JMY: variants seen among roughly 807,000 people sequenced by gnomAD.
JMY encodes the protein junction mediating and regulatory protein, p53 cofactor.
A neutral mutation model predicts 103.3 loss-of-function variants in JMY; 46 were observed. The observed-to-expected ratio is 0.45, with a 90% CI of 0.35 to 0.57. JMY has a LOEUF of 0.57. Ranked by LOEUF, JMY falls within the 20% of genes least tolerant of loss-of-function variation. The pLI is 0.00. For missense variants in JMY, 1,238 were observed against 1,255.2 expected, an observed-to-expected ratio of 0.99 and a Z score of 0.21; for synonymous variants, 526 against 489.3, an observed-to-expected ratio of 1.07 and a Z score of -0.99.
At chr5:79,266,970 A>G (rs1306975403) in intron 1 of JMY, among the ~76,000 whole-genome samples, 2 of 152,154 alleles carry the variant, frequency 1.3e-5, no homozygotes, top group Admixed American at 1.3e-4. Context: ...GAAATATAAC[A>G]TGTCTTTAGG....
Position 79,237,411 on chromosome 5 carries a change from C to T in JMY, c.761C>T (p.Pro254Leu). 3 of 1,613,594 alleles carry T rather than the reference C, an allele frequency of 1.9e-6. No homozygotes were observed. Among genetic ancestry groups the T allele is most frequent in the Non-Finnish European group, 2.5e-6 (3 of 1,180,008 alleles). The change falls in exon 1 of 11, where the codon CCG becomes CTG. Residue 254 changes from proline (P) to leucine (L), a missense_variant. Transcript: ENST00000396137. Reference sequence around the variant, plus strand: ...TGCTCGGTGAACTCGCAGTTGGAGCCGTGCCTGCCGGTGTTCCCCGAGGAA... The same window carrying T: ...TGCTCGGTGAACTCGCAGTTGGAGCTGTGCCTGCCGGTGTTCCCCGAGGAA... ...QLCSVNSQLE[P>L]CLPVFPEEPS...
At chr5:79,317,675 A>G (rs1561317872) in intron 10 of JMY, among the ~76,000 whole-genome samples, 1 of 152,166 alleles carries the variant, frequency 6.6e-6, no homozygotes, top group Non-Finnish European at 1.5e-5. Flanking sequence ...TTCATGTGTT[A>G]GCCCTGTGAA....
chr5:79,264,069 G>A (rs745438816), intron 1 of JMY, among the ~76,000 whole-genome samples: 1 of 152,030 alleles, frequency 6.6e-6, no homozygotes, highest in Non-Finnish European at 1.5e-5. Flanking sequence ...TTACAGGCGC[G>A]AGTCACTGTG....
chr5:79,282,790 G>C (rs571200044), intron 2 of JMY, among the ~76,000 whole-genome samples: 1 of 152,104 alleles, frequency 6.6e-6, no homozygotes, highest in African/African-American at 2.4e-5. Flanking sequence ...AGAAAGTAGC[G>C]TGGTTGGGAT....
Position 79,321,838 on chromosome 5 carries a change from CT to C in JMY, c.*238del, listed in dbSNP as rs2112129279. On this transcript the variant is annotated 3_prime_UTR_variant, in exon 11 of 11. Transcript: ENST00000396137. ...TTCCTGACTGCAATGAAGAAAAGGC[CT>C]TCTGGAGATTTCTGTTTTTTAAGCA... 1 of 152,208 alleles carries C rather than the reference CT, an allele frequency of 6.6e-6. No individual in the cohort carries two copies. The highest frequency in any genetic ancestry group is 1.9e-4 in the East Asian group (1 of 5,182). 9.4% of individuals were successfully genotyped at this position (152,208 alleles called of 1,614,324 possible).
chr5:79,272,566 C>T (rs1259959952), intron 1 of JMY, among the ~76,000 whole-genome samples: 1 of 151,814 alleles, frequency 6.6e-6, no homozygotes, highest in African/African-American at 2.4e-5. Flanking sequence ...TATAGCATAC[C>T]TTCTTAAATT....
At chr5:79,307,942 G>A (rs577954595) in intron 7 of JMY, among the ~76,000 whole-genome samples, 12 of 152,240 alleles carry the variant, frequency 7.9e-5, no homozygotes, top group Admixed American at 1.3e-4. Context: ...TCACCATGTT[G>A]GCCAGGCTGG....
rs1029121966 is a variant in JMY, at chr5:79,326,488, G to C, written c.*4886G>C. The C allele has an allele frequency of 3.3e-5, 5 of 152,016 alleles. No homozygotes were observed. The highest frequency in any genetic ancestry group is 7.4e-5 in the Non-Finnish European group (5 of 68,002). The allele number at this position is 152,016 out of a possible 1,614,324, so 9.4% of individuals were successfully genotyped here. A position where few individuals can be genotyped will look rare whatever the true frequency, so the allele number is the denominator to read the frequency against. ...CATTTTCCCTTCATTTGTGAACCAA[G>C]AGGGGTAAATGATGCTACCCATACA... is the stretch of plus-strand genomic sequence containing the variant. On this transcript the variant is annotated 3_prime_UTR_variant, in exon 11 of 11. Coordinates refer to ENST00000396137, the MANE Select transcript of JMY (RefSeq NM_152405.5).
intron 1 of JMY, among the ~76,000 whole-genome samples, chr5:79,260,048 G>GC (rs1745373796): frequency 6.6e-6 from 1 of 152,220 alleles, no homozygotes; most frequent in African/African-American, 2.4e-5. Context: ...AGGCAACTCA[G>GC]CCTGGCCCCA....
chr5:79,308,630 G>T (rs201743476), intron 7 of JMY, among the ~76,000 whole-genome samples: 1 of 152,130 alleles, frequency 6.6e-6, no homozygotes, highest in Non-Finnish European at 1.5e-5. Flanking sequence ...AAATTGCTGG[G>T]ATTTTGATTG....
At chr5:79,300,448 G>T (rs1044016466) in intron 5 of JMY, 130 bp downstream of exon 5, 7 of 886,488 alleles carry the variant, frequency 7.9e-6, no homozygotes, top group Non-Finnish European at 1.2e-5. Flanking sequence ...GTGTGGGGGG[G>T]TGATTTCTAG....
intron 2 of JMY, among the ~76,000 whole-genome samples, chr5:79,278,654 G>T (rs1167054395): frequency 6.8e-6 from 1 of 147,358 alleles, no homozygotes; most frequent in Non-Finnish European, 1.5e-5. Flanking sequence ...TATAGTCTCA[G>T]CTACTTAGGA....
chr5:79,302,700 T>C (rs917456626), intron 6 of JMY, among the ~76,000 whole-genome samples: 8 of 152,184 alleles, frequency 5.3e-5, no homozygotes. Context: ...GCCTGAGCTT[T>C]GTCTGTAGTA....
intron 1 of JMY, among the ~76,000 whole-genome samples, chr5:79,254,467 A>G (rs1457356892): frequency 6.6e-6 from 1 of 152,158 alleles, no homozygotes; most frequent in Non-Finnish European, 1.5e-5. Context: ...ACTTTATGTC[A>G]TGCCGCTCTC....
intron 1 of JMY, among the ~76,000 whole-genome samples, chr5:79,244,544 C>G (rs528904849): frequency 6.6e-6 from 1 of 152,290 alleles, no homozygotes; most frequent in African/African-American, 2.4e-5. Context: ...TTAACCTTCT[C>G]CATTGCTGCT....
At chr5:79,260,015 G>A (rs188967467) in intron 1 of JMY, among the ~76,000 whole-genome samples, 16 of 152,314 alleles carry the variant, frequency 1.1e-4, no homozygotes, top group African/African-American at 3.1e-4. Context: ...CTCAGTGCCC[G>A]ACTGTACTGC....
intron 1 of JMY, among the ~76,000 whole-genome samples, chr5:79,254,329 T>C (rs893376107): frequency 2.0e-5 from 3 of 152,158 alleles, no homozygotes. Context: ...TAGCATTTCT[T>C]GTAGAGCAGG....
At chr5:79,305,962 G>A (rs1450497512) in intron 6 of JMY, among the ~76,000 whole-genome samples, 2 of 152,208 alleles carry the variant, frequency 1.3e-5, no homozygotes, top group South Asian at 2.1e-4. Context: ...AGGAGGCTGA[G>A]CCAGGGGGAT....
chr5:79,242,594 G>T (rs1038990273), intron 1 of JMY, among the ~76,000 whole-genome samples: 3 of 152,158 alleles, frequency 2.0e-5, no homozygotes, highest in African/African-American at 7.2e-5. Context: ...AAACAGCTGA[G>T]TAACCAAGCT....
Sources: gnomAD v4.1 joint callset for allele counts (sites outside exome capture counted in the v4.1 genomes callset) on GRCh38, gnomAD v4.1.1 for gene constraint, MANE v1.5 for transcripts, NCBI Gene and HGNC (gene_info 2026-07-23, HGNC 2026-07-21) for gene names.